The following GLI2 variants were observed in gnomAD, a reference collection of about 807,000 sequenced individuals.
GLI2 encodes the protein GLI family zinc finger 2, also known as transcription activator GLI2.
In GLI2, 22 loss-of-function variants were observed where a neutral mutation model predicts 78.9. The ratio of observed to expected loss-of-function variants is 0.28; its 90% CI spans 0.20 to 0.40. The LOEUF is 0.40. Among genes scored for constraint, GLI2 ranks in the 10% least tolerant of loss-of-function variants. The probability of loss-of-function intolerance (pLI) is 1.00; values close to 1 mark genes in which losing one functional copy is unlikely to be tolerated. For missense variants in GLI2, 2,097 were observed against 2,213.2 expected, an observed-to-expected ratio of 0.95 and a Z score of 1.05; for synonymous variants, 974 against 963.7, an observed-to-expected ratio of 1.01 and a Z score of -0.20.
chr2:120,736,344 G>GC (rs1373209368), intron 1 of GLI2, 59 bp downstream of exon 1: 2 of 152,006 alleles, frequency 1.3e-5, no homozygotes, highest in African/African-American at 4.8e-5. Context: ...TCCCACCTCG[G>GC]CCAAGCGCGG....
chr2:120,903,924 T>G (rs1331646563), intron 2 of GLI2, among the ~76,000 whole-genome samples: 1 of 151,996 alleles, frequency 6.6e-6, no homozygotes, highest in African/African-American at 2.4e-5. Flanking sequence ...GCCAAGAAAC[T>G]CAGGGGTTCA....
chr2:120,742,865 G>A (rs1454968082), intron 1 of GLI2, among the ~76,000 whole-genome samples: 1 of 152,088 alleles, frequency 6.6e-6, no homozygotes, highest in African/African-American at 2.4e-5. Flanking sequence ...AGCTGTGCAG[G>A]TGAAATGATT....
chr2:120,793,766 G>A (rs982625194), intron 1 of GLI2, among the ~76,000 whole-genome samples: 6 of 152,198 alleles, frequency 3.9e-5, no homozygotes, highest in East Asian at 1.9e-4. Flanking sequence ...CTGGGCATCT[G>A]AATAAATGCC....
chr2:120,889,035 A>AG (rs1362684642), intron 2 of GLI2, among the ~76,000 whole-genome samples: 1 of 152,188 alleles, frequency 6.6e-6, no homozygotes, highest in Admixed American at 6.5e-5. Flanking sequence ...CTGTCCAGAA[A>AG]GGGCCCCTCC....
intron 2 of GLI2, among the ~76,000 whole-genome samples, chr2:120,837,404 A>G (rs1413413510): frequency 6.6e-6 from 1 of 151,896 alleles, no homozygotes; most frequent in Non-Finnish European, 1.5e-5. Flanking sequence ...AAAAAAAAAA[A>G]AAAAAAAAAA....
intron 2 of GLI2, among the ~76,000 whole-genome samples, chr2:120,871,380 G>A (rs1048680992): frequency 6.6e-6 from 1 of 152,238 alleles, no homozygotes; most frequent in African/African-American, 2.4e-5. Flanking sequence ...GGCTGATGTT[G>A]AGAAACGGAG....
chr2:120,777,028 G>A (rs1683699534), intron 1 of GLI2, among the ~76,000 whole-genome samples: 1 of 152,234 alleles, frequency 6.6e-6, no homozygotes, highest in Non-Finnish European at 1.5e-5. Context: ...GGCAGGGGGC[G>A]GTGCTGTCAG....
intron 2 of GLI2, among the ~76,000 whole-genome samples, chr2:120,902,966 G>A (rs753882475): frequency 2.0e-5 from 3 of 152,176 alleles, no homozygotes; most frequent in Non-Finnish European, 4.4e-5. Flanking sequence ...TGTAATAAAT[G>A]GTATGAGCTG....
intron 1 of GLI2, among the ~76,000 whole-genome samples, chr2:120,789,532 C>T (rs1477567841): frequency 6.6e-6 from 1 of 152,156 alleles, no homozygotes; most frequent in African/African-American, 2.4e-5. Flanking sequence ...CTCTGACCTC[C>T]TCAGGTAGCC....
chr2:120,842,234 G>T (rs1686921196), intron 2 of GLI2, among the ~76,000 whole-genome samples: 1 of 151,976 alleles, frequency 6.6e-6, no homozygotes, highest in Non-Finnish European at 1.5e-5. Context: ...CTTTGCAAGA[G>T]ATTCTAGATG....
intron 1 of GLI2, among the ~76,000 whole-genome samples, chr2:120,781,578 G>GT (rs1683850578): frequency 6.6e-6 from 1 of 152,210 alleles, no homozygotes; most frequent in African/African-American, 2.4e-5. Context: ...GCAGAATGAT[G>GT]TTTTACATTA....
intron 2 of GLI2, among the ~76,000 whole-genome samples, chr2:120,835,889 C>T (rs192604825): frequency 6.6e-6 from 1 of 152,232 alleles, no homozygotes; most frequent in African/African-American, 2.4e-5. Flanking sequence ...CATGTACCTC[C>T]ATGCAGCTTA....
chr2:120,960,098 C>T (rs75851100), intron 5 of GLI2, among the ~76,000 whole-genome samples: 1,691 of 152,306 alleles, frequency 0.011, 26 homozygotes, highest in African/African-American at 0.038. Context: ...GTTTATTGGG[C>T]ACCTTCTATT....
At chr2:120,789,124 C>CA (rs1478761023) in intron 1 of GLI2, among the ~76,000 whole-genome samples, 1 of 151,606 alleles carries the variant, frequency 6.6e-6, no homozygotes, top group African/African-American at 2.4e-5. Context: ...CTCCACCTCC[C>CA]AGGTTCATGT....
intron 2 of GLI2, among the ~76,000 whole-genome samples, chr2:120,906,994 T>TCA (rs1247963084): frequency 2.0e-5 from 3 of 152,014 alleles, no homozygotes; most frequent in Non-Finnish European, 2.9e-5. Context: ...GTCTGCAGCA[T>TCA]CACACACACA....
In GLI2 at chr2:120,968,869, T is replaced by C; in HGVS notation, c.799T>C (p.Ser267Pro). 1 of 1,613,602 alleles carries C rather than the reference T, an allele frequency of 6.2e-7. No homozygotes were observed. Among genetic ancestry groups the C allele is most frequent in the Non-Finnish European group, 8.5e-7 (1 of 1,179,968 alleles). Residue 267 changes from serine (S) to proline (P), a missense_variant, in exon 6 of 14, where the codon TCG becomes CCG. Physicochemically the swap from Ser to Pro is moderately conservative, Grantham distance 74. This residue lies in a region of GLI2 where 578 missense variants were observed against 612.0 expected (regional missense o/e 0.94). Transcript: ENST00000361492. ...CTACATCAACAACTCCCGAAGCAGC[T>C]CGGCGGCCAGCGGTTCCTACGGGCA... ...VAYINNSRSS[S>P]AASGSYGHLS...
intron 1 of GLI2, among the ~76,000 whole-genome samples, chr2:120,764,497 T>C (rs1341815419): frequency 2.0e-5 from 3 of 152,226 alleles, no homozygotes; most frequent in African/African-American, 7.2e-5. Context: ...CTTGTATCCC[T>C]TACTTGAGTG....
chr2:120,841,337 A>G (rs370790728), intron 2 of GLI2, among the ~76,000 whole-genome samples: 12 of 152,290 alleles, frequency 7.9e-5, no homozygotes, highest in East Asian at 5.8e-4. Context: ...CTAAGGCACA[A>G]TGTGAGGGAT....
At chr2:120,872,968 T>C (rs1455656358) in intron 2 of GLI2, among the ~76,000 whole-genome samples, 2 of 152,252 alleles carry the variant, frequency 1.3e-5, no homozygotes, top group African/African-American at 2.4e-5. Flanking sequence ...CTACCCTCAG[T>C]GTACCACCCA....
Sources: allele counts gnomAD v4.1 joint callset (sites outside exome capture counted in the v4.1 genomes callset), GRCh38; gene constraint gnomAD v4.1.1; regional missense constraint gnomAD v4.1.1; transcripts MANE v1.5; gene names NCBI Gene and HGNC (gene_info 2026-07-23, HGNC 2026-07-21).